Variants in CRAMP1 observed in about 807,000 individuals in gnomAD.
CRAMP1 encodes protein cramped-like.
CRAMP1 carries 50 observed loss-of-function variants against 115.4 expected under a neutral mutation model. The observed-to-expected ratio is 0.43, with a 90% CI of 0.35 to 0.55. The LOEUF (loss-of-function observed/expected upper bound fraction) is 0.55, where lower values mean the gene tolerates loss of function less well. Ranked by LOEUF, CRAMP1 falls within the 20% of genes least tolerant of loss-of-function variation. The pLI is 0.01. For missense variants in CRAMP1, 1,679 were observed against 1,721.7 expected (o/e 0.98, Z 0.44); for synonymous variants, 866 against 745.4 (o/e 1.16, Z -2.64).
Position 1,614,604 on chromosome 16 carries a change from C to G in CRAMP1, c.-1-35C>G, listed in dbSNP as rs1005767706. On this transcript the variant is annotated intron_variant, in intron 1 of 20. Coordinates refer to ENST00000397412, the MANE Select transcript of CRAMP1 (RefSeq NM_020825.4). This position sits in a 1 kb window ranked among gnomAD's most constrained non-coding sequence, Gnocchi z 4.4. ...GCCGCTAAACTTCCCGGCCTGCGCC[C>G]GCCTCACCGGCCGCCTCCCCTCTCC... 1.7e-6 allele frequency: 2 copies of G among 1,201,804 alleles called. No individual in the cohort carries two copies. The highest frequency in any genetic ancestry group is 6.5e-5 in the East Asian group (2 of 30,574). The allele number at this position is 1,201,804 out of a possible 1,614,324, so 74.4% of individuals were successfully genotyped here. A position where few individuals can be genotyped will look rare whatever the true frequency, so the allele number is the denominator to read the frequency against.
intron 6 of CRAMP1, among the ~76,000 whole-genome samples, chr16:1,651,656 A>G (rs182666461): frequency 1.0e-3 from 154 of 148,246 alleles, no homozygotes; most frequent in African/African-American, 3.5e-3. Flanking sequence ...GAAGTCACAC[A>G]GAGGTAACCT....
chr16:1,634,326 A>T (rs8047180), intron 4 of CRAMP1, among the ~76,000 whole-genome samples: 3 of 152,148 alleles, frequency 2.0e-5, no homozygotes, highest in Admixed American at 2.0e-4. Context: ...GCTCTCTCCC[A>T]TGTCAATTTC....
At chr16:1,613,006 G>T (rs1205203807) in intron 1 of CRAMP1, among the ~76,000 whole-genome samples, 1 of 152,050 alleles carries the variant, frequency 6.6e-6, no homozygotes, top group Non-Finnish European at 1.5e-5. Flanking sequence ...CTTGGGTGTG[G>T]AGCCCGGCGA....
intron 7 of CRAMP1, 93 bp downstream of exon 7, chr16:1,652,674 TTGCTTTGTGTCTGACCC>T: frequency 8.7e-7 from 1 of 1,154,610 alleles, no homozygotes; most frequent in Admixed American, 2.1e-5. Context: ...GCTGCCACAG[TTGCTTTGTGTCTGACCC>T]TGCTTAATCC....
At chr16:1,659,041 G>T (rs2036800934) in intron 10 of CRAMP1, among the ~76,000 whole-genome samples, 1 of 152,072 alleles carries the variant, frequency 6.6e-6, no homozygotes, top group Non-Finnish European at 1.5e-5. Context: ...CACATCCCCT[G>T]GGGTTGGGCT....
intron 6 of CRAMP1, among the ~76,000 whole-genome samples, chr16:1,647,604 T>C (rs1388585202): frequency 6.6e-6 from 1 of 151,930 alleles, no homozygotes; most frequent in African/African-American, 2.4e-5. Context: ...GCCGGGTGTA[T>C]GTTGGTGTAT....
intron 4 of CRAMP1, among the ~76,000 whole-genome samples, chr16:1,634,568 T>G (rs1264664141): frequency 6.6e-6 from 1 of 152,168 alleles, no homozygotes. Flanking sequence ...CTTCCTGACC[T>G]GGCACAGCAG....
chr16:1,623,477 T>C (rs1351377219), intron 2 of CRAMP1, among the ~76,000 whole-genome samples: 1 of 152,268 alleles, frequency 6.6e-6, no homozygotes, highest in Non-Finnish European at 1.5e-5. Context: ...ATGTGGATTA[T>C]GGAATTTTAG....
chr16:1,649,161 G>T (rs377562732), intron 6 of CRAMP1, among the ~76,000 whole-genome samples: 3 of 152,176 alleles, frequency 2.0e-5, no homozygotes, highest in South Asian at 2.1e-4. Context: ...AGACAGAAAG[G>T]GGGTGAGGGC....
At chr16:1,665,034 A>C (rs747114155) in intron 13 of CRAMP1, 23 bp from the exon 14 acceptor site, 1 of 1,538,610 alleles carries the variant, frequency 6.5e-7, no homozygotes, top group South Asian at 1.1e-5. Flanking sequence ...CATCACCTTG[A>C]TTGTTGACCA....
intron 11 of CRAMP1, 148 bp from the exon 12 acceptor site, chr16:1,662,342 G>A: frequency 3.1e-6 from 2 of 646,532 alleles, no homozygotes; most frequent in South Asian, 3.7e-5. Context: ...TCTTTATGTG[G>A]GACTGAGATA....
At position 1,625,949 on chromosome 16, in the gene CRAMP1, ACTGTACGGTG is replaced by A; in HGVS notation, c.347-21_347-12del. 6.4e-7 allele frequency: 1 copy of A among 1,550,676 alleles called. No individual in the cohort carries two copies. Among genetic ancestry groups the A allele is most frequent in the South Asian group, 1.2e-5 (1 of 83,956 alleles). ...GCCCGCCAGCTTTCTGGAACAGATC[ACTGTACGGTG>A]CTTTCTCTCCAAGGAGCTGAAGGTG... On this transcript the variant is annotated splice_polypyrimidine_tract_variant and intron_variant, in intron 2 of 20. Transcript: ENST00000397412.
Position 1,674,013 on chromosome 16 carries a change from G to C in CRAMP1, c.3778G>C (p.Gly1260Arg). The C allele has an allele frequency of 6.2e-7, 1 of 1,612,314 alleles. No individual in the cohort carries two copies. Among genetic ancestry groups the C allele is most frequent in the Non-Finnish European group, 8.5e-7 (1 of 1,179,858 alleles). Reference sequence around the variant, plus strand: ...AGAAGCTCTGTTTGATGGTGGTGGAGGCGGCCCCGCTGTCAGTGACCTGTC... The same window carrying C: ...AGAAGCTCTGTTTGATGGTGGTGGACGCGGCCCCGCTGTCAGTGACCTGTC... The part of the protein sequence containing the change: ...RREALFDGGG[G>R]GPAVSDLSQ Residue 1260 changes from glycine (G) to arginine (R), a missense_variant, in exon 21 of 21, where the codon GGC (glycine) becomes CGC (arginine). This residue lies in a region of CRAMP1 where 709 missense variants were observed against 741.9 expected (regional missense o/e 0.96). Coordinates refer to ENST00000397412, the MANE Select transcript of CRAMP1 (RefSeq NM_020825.4).
chr16:1,665,839 C>G, intron 14 of CRAMP1: 1 of 543,984 alleles, frequency 1.8e-6, no homozygotes, highest in South Asian at 2.3e-5. Flanking sequence ...GTGACCGCAG[C>G]CTTCCAGTAG....
At chr16:1,637,682 T>G in intron 4 of CRAMP1, 142 bp from the exon 5 acceptor site, 1 of 437,978 alleles carries the variant, frequency 2.3e-6, no homozygotes. Flanking sequence ...CTGCCCAGTG[T>G]CCCCTGTGGT....
rs182425589 is a variant in CRAMP1, at chr16:1,669,513, G to T, written c.3499+348G>T. On this transcript the variant is annotated intron_variant, in intron 19 of 20. Transcript: ENST00000397412. This position sits in a 1 kb window ranked among gnomAD's most constrained non-coding sequence, Gnocchi z 4.6. The stretch of plus-strand genomic sequence containing the variant: ...CCTCCCGACTGGGTTCTCTTGAGGG[G>T]AGAAAAGGAAACTGGTGTCTTGGCA... 1.0e-3 allele frequency among the ~76,000 whole-genome samples: 157 copies of T among 152,320 alleles called. No homozygotes were observed. The highest frequency in any genetic ancestry group is 3.5e-3 in the African/African-American group (145 of 41,566).
intron 6 of CRAMP1, among the ~76,000 whole-genome samples, chr16:1,642,542 G>A (rs140372429): frequency 6.6e-6 from 1 of 152,142 alleles, no homozygotes; most frequent in Non-Finnish European, 1.5e-5. Flanking sequence ...TTGCCCAGGC[G>A]CCCCTCCCAG....
chr16:1,638,022 T>C (rs1411048785), intron 5 of CRAMP1, 115 bp downstream of exon 5: 2 of 491,650 alleles, frequency 4.1e-6, no homozygotes, highest in Admixed American at 4.1e-5. Flanking sequence ...GAAAAAATTT[T>C]ACTAGAAGAG....
In CRAMP1 at chr16:1,668,969, A is replaced by G. The variant is rs768712833; in HGVS notation, c.3335-32A>G. 4.3e-6 allele frequency: 7 copies of G among 1,611,042 alleles called. No individual in the cohort carries two copies. The African/African-American group carries it at 8.0e-5, about 18-fold the overall frequency. On this transcript the variant is annotated intron_variant, in intron 18 of 20. Transcript: ENST00000397412. ...AGTTGCTGTTCACCACCCCGCAACA[A>G]GGCGTTTCTGATCTGGGATCTTGGT...
Sources: gnomAD v4.1 joint callset for allele counts (sites outside exome capture counted in the v4.1 genomes callset) on GRCh38, gnomAD v4.1.1 for gene constraint, gnomAD v4.1.1 regional missense constraint, Gnocchi (gnomAD v3.1) non-coding constraint, MANE v1.5 for transcripts, NCBI Gene and HGNC (gene_info 2026-07-23, HGNC 2026-07-21) for gene names.